Variants in CIMAP2 observed in about 807,000 individuals in gnomAD.
CIMAP2 encodes ciliary microtubule associated protein 2.
At chr1:54,818,630 C>T in the CIMAP2 span, among the ~76,000 whole-genome samples, 12 of 152,074 alleles carry the variant, frequency 7.9e-5, no homozygotes, top group African/African-American at 2.9e-4. Flanking sequence ...CTCACTCTGA[C>T]GCCCAGCCTG....
the CIMAP2 span, chr1:54,811,767 CT>C: frequency 4.6e-6 from 5 of 1,088,150 alleles, no homozygotes; most frequent in Non-Finnish European, 6.8e-6. Flanking sequence ...TTCTGACAGC[CT>C]CCATGCCCCC....
chr1:54,841,895 T>C, the CIMAP2 span: 1 of 1,548,970 alleles, frequency 6.5e-7, no homozygotes. Flanking sequence ...AAGGACAGCC[T>C]GCAGTGACCA....
chr1:54,840,378 T>C, the CIMAP2 span, among the ~76,000 whole-genome samples: 1 of 152,264 alleles, frequency 6.6e-6, no homozygotes, highest in African/African-American at 2.4e-5. Context: ...TGTTTATCCA[T>C]TCCTAAGTTG....
the CIMAP2 span, among the ~76,000 whole-genome samples, chr1:54,823,429 T>G: frequency 1.3e-5 from 2 of 152,298 alleles, no homozygotes; most frequent in Non-Finnish European, 2.9e-5. Flanking sequence ...TTGTGGAATA[T>G]TTTTTTCCAT....
the CIMAP2 span, among the ~76,000 whole-genome samples, chr1:54,830,213 T>A: frequency 1.3e-5 from 2 of 152,004 alleles, no homozygotes; most frequent in Non-Finnish European, 2.9e-5. This position sits in a 1 kb window ranked among gnomAD's most constrained non-coding sequence, Gnocchi z 4.1. Context: ...TTTTCTTTCT[T>A]TCTATTTATT....
the CIMAP2 span, chr1:54,811,988 A>G: frequency 1.2e-6 from 2 of 1,614,030 alleles, no homozygotes; most frequent in South Asian, 2.2e-5. Flanking sequence ...GGGCACTCCC[A>G]GGGCAGAGGG....
the CIMAP2 span, chr1:54,807,929 T>G: frequency 6.2e-7 from 1 of 1,609,068 alleles, no homozygotes; most frequent in Non-Finnish European, 8.5e-7. Context: ...CTCAAAGACT[T>G]CTTAGAACAG....
chr1:54,814,375 T>C, the CIMAP2 span, among the ~76,000 whole-genome samples: 1 of 152,162 alleles, frequency 6.6e-6, no homozygotes, highest in Admixed American at 6.5e-5. Flanking sequence ...GCCCACTTGC[T>C]CCGCCCAAGG....
the CIMAP2 span, among the ~76,000 whole-genome samples, chr1:54,828,007 ACTAGAGGTTT>A: frequency 3.3e-5 from 5 of 152,204 alleles, no homozygotes; most frequent in African/African-American, 1.2e-4. Flanking sequence ...ACATTGAGTA[ACTAGAGGTTT>A]CTCAATGAAG....
the CIMAP2 span, among the ~76,000 whole-genome samples, chr1:54,816,097 T>C: frequency 1.3e-4 from 20 of 152,208 alleles, no homozygotes; most frequent in Non-Finnish European, 2.8e-4. Context: ...CAGATGACCC[T>C]ACTGCTACCA....
the CIMAP2 span, among the ~76,000 whole-genome samples, chr1:54,819,206 A>T: frequency 6.6e-6 from 1 of 152,178 alleles, no homozygotes; most frequent in African/African-American, 2.4e-5. Context: ...TGGCGATCAG[A>T]GGAAGGAGAC....
At chr1:54,817,169 G>A in the CIMAP2 span, 2 of 1,606,456 alleles carry the variant, frequency 1.2e-6, no homozygotes, top group Non-Finnish European at 8.5e-7. Flanking sequence ...GCGGTGGGGG[G>A]TCTTACTCTG....
At chr1:54,814,804 C>T in the CIMAP2 span, 2 of 1,499,256 alleles carry the variant, frequency 1.3e-6, no homozygotes, top group South Asian at 2.5e-5. Flanking sequence ...GCTCAAGACC[C>T]AGGGCTGCTG....
the CIMAP2 span, among the ~76,000 whole-genome samples, chr1:54,831,946 G>A: frequency 3.3e-5 from 5 of 152,234 alleles, no homozygotes; most frequent in Non-Finnish European, 5.9e-5. Context: ...TCCCGGCCTC[G>A]AGCAATCCTC....
the CIMAP2 span, among the ~76,000 whole-genome samples, chr1:54,837,297 T>C: frequency 6.6e-6 from 1 of 152,116 alleles, no homozygotes; most frequent in Non-Finnish European, 1.5e-5. Flanking sequence ...CAGATCAGCA[T>C]GGACTTTTCA....
the CIMAP2 span, among the ~76,000 whole-genome samples, chr1:54,831,052 T>C: frequency 6.6e-6 from 1 of 152,108 alleles, no homozygotes; most frequent in African/African-American, 2.4e-5. Flanking sequence ...GTTTCAAAGG[T>C]AAAATAAAAA....
chr1:54,841,775 T>C, the CIMAP2 span: 1 of 1,604,544 alleles, frequency 6.2e-7, no homozygotes, highest in Non-Finnish European at 8.5e-7. Context: ...TCACTTCCTT[T>C]TTTAATTTTT....
the CIMAP2 span, among the ~76,000 whole-genome samples, chr1:54,813,506 C>T: frequency 6.6e-6 from 1 of 152,184 alleles, no homozygotes; most frequent in Non-Finnish European, 1.5e-5. Context: ...TAGTGCCAGA[C>T]TCAATACATG....
At chr1:54,811,673 C>T in the CIMAP2 span, 48 of 1,131,148 alleles carry the variant, frequency 4.2e-5, no homozygotes, top group Middle Eastern at 2.4e-3. Context: ...AGGTAGCAAG[C>T]GGACACCCTG....
Sources: allele counts gnomAD v4.1 joint callset (sites outside exome capture counted in the v4.1 genomes callset), GRCh38; gene constraint gnomAD v4.1.1; non-coding constraint Gnocchi (gnomAD v3.1); transcripts MANE v1.5; gene names NCBI Gene and HGNC (gene_info 2026-07-23, HGNC 2026-07-21).